AP4E1: variants seen among roughly 807,000 people sequenced by gnomAD.
The protein encoded by AP4E1 is AP-4 complex subunit epsilon-1.
A neutral mutation model predicts 128.2 loss-of-function variants in AP4E1; 56 were observed. The ratio of observed to expected loss-of-function variants is 0.44; its 90% CI spans 0.35 to 0.55. The LOEUF (loss-of-function observed/expected upper bound fraction) is 0.55. AP4E1 is among the 20% of genes least tolerant of loss of function. The pLI is 0.00. For synonymous variants in AP4E1, 484 were observed against 473.1 expected, an observed-to-expected ratio of 1.02 and a Z score of -0.30; for missense variants, 1,324 against 1,307.7, an observed-to-expected ratio of 1.01 and a Z score of -0.19.
At chr15:50,910,817 G>A (rs2063558212) in intron 1 of AP4E1, among the ~76,000 whole-genome samples, 1 of 152,150 alleles carries the variant, frequency 6.6e-6, no homozygotes, top group Non-Finnish European at 1.5e-5. Flanking sequence ...CACCATACCC[G>A]GCTAATTTTT....
At chr15:50,940,409 C>T (rs963234849) in intron 8 of AP4E1, among the ~76,000 whole-genome samples, 4 of 151,530 alleles carry the variant, frequency 2.6e-5, no homozygotes, top group Admixed American at 2.0e-4. Context: ...AAGTTTTTTC[C>T]ACAAAATTTA....
chr15:50,960,970 A>G (rs574257558), intron 14 of AP4E1, among the ~76,000 whole-genome samples: 1 of 152,212 alleles, frequency 6.6e-6, no homozygotes, highest in South Asian at 2.1e-4. Flanking sequence ...AGAAATATAA[A>G]TGATTATTAG....
At chr15:50,918,410 T>A (rs1275786219) in intron 3 of AP4E1, among the ~76,000 whole-genome samples, 1 of 152,240 alleles carries the variant, frequency 6.6e-6, no homozygotes, top group Non-Finnish European at 1.5e-5. Flanking sequence ...TTGGCTGGCT[T>A]CCATGTTAGC....
At position 50,925,197 on chromosome 15, in the gene AP4E1, GA is replaced by G; in HGVS notation, c.522del (p.Asp175IlefsTer58). 6.2e-7 allele frequency: 1 copy of G among 1,613,566 alleles called. No individual in the cohort carries two copies. The highest frequency in any genetic ancestry group is 8.5e-7 in the Non-Finnish European group (1 of 1,179,516). ...GATTCCAGCTGTTCTTCCATTAATA[GA>G]AGATAAACTTCAACATTCTAAGTAA... ...EMIPAVLPLIEDKLQHSKEIV... is the reference protein window; with the variant it reads ...EMIPAVLPLIXDKLQHSKEIV... On this transcript the variant is annotated frameshift_variant, in exon 5 of 21. Coordinates refer to ENST00000261842, the MANE Select transcript of AP4E1 (RefSeq NM_007347.5). LOFTEE classifies it high-confidence loss of function.
intron 4 of AP4E1, 57 bp from the exon 5 acceptor site, chr15:50,925,041 G>A: frequency 6.2e-7 from 1 of 1,605,464 alleles, no homozygotes; most frequent in South Asian, 1.1e-5. Context: ...TGTTGAATTT[G>A]CCATTCCTAG....
At chr15:51,001,229 CT>C in intron 20 of AP4E1, 46 bp downstream of exon 20, 1 of 1,553,204 alleles carries the variant, frequency 6.4e-7, no homozygotes, top group Non-Finnish European at 8.8e-7. Context: ...TAGGAGCTTT[CT>C]TATAATTGGA....
intron 18 of AP4E1, 152 bp downstream of exon 18, chr15:50,998,035 A>C: frequency 1.6e-6 from 1 of 633,516 alleles, no homozygotes. Context: ...GAGTAAGGAT[A>C]TTGAAGAATA....
At chr15:50,959,144 G>A (rs2064275226) in intron 14 of AP4E1, among the ~76,000 whole-genome samples, 1 of 151,726 alleles carries the variant, frequency 6.6e-6, no homozygotes, top group Admixed American at 6.6e-5. Context: ...CTGGGAGGCA[G>A]AGGTTGCAGT....
At chr15:50,964,167 G>A (rs1372734270) in intron 14 of AP4E1, among the ~76,000 whole-genome samples, 2 of 152,156 alleles carry the variant, frequency 1.3e-5, no homozygotes, top group African/African-American at 4.8e-5. Context: ...TGTCTCATAT[G>A]TCATGTATGC....
chr15:50,924,447 TA>T (rs1024802140), intron 4 of AP4E1, among the ~76,000 whole-genome samples: 6 of 152,076 alleles, frequency 3.9e-5, no homozygotes, highest in South Asian at 4.1e-4. Flanking sequence ...GTAGAGATAA[TA>T]AAAACAATCC....
chr15:50,941,844 G>A (rs1209791701), intron 10 of AP4E1, 69 bp downstream of exon 10: 1 of 1,198,528 alleles, frequency 8.3e-7, no homozygotes, highest in Non-Finnish European at 1.2e-6. Flanking sequence ...GCATTGTGTA[G>A]AGAGATTAAA....
intron 14 of AP4E1, among the ~76,000 whole-genome samples, chr15:50,963,343 C>G (rs2064341704): frequency 6.6e-6 from 1 of 152,164 alleles, no homozygotes; most frequent in Middle Eastern, 3.2e-3. Context: ...TGGAATCAAC[C>G]TAAGTGTCCA....
intron 14 of AP4E1, among the ~76,000 whole-genome samples, 170 bp downstream of exon 14, chr15:50,958,964 C>T (rs867408758): frequency 6.6e-6 from 1 of 152,156 alleles, no homozygotes; most frequent in South Asian, 2.1e-4. Context: ...AAGCTCCCAG[C>T]ACTTTGGGAG....
intron 20 of AP4E1, 117 bp from the exon 21 acceptor site, chr15:51,002,385 G>C: frequency 9.4e-7 from 1 of 1,059,388 alleles, no homozygotes; most frequent in Non-Finnish European, 1.4e-6. Context: ...TCTCCTTAGT[G>C]GTTAGTGATA....
intron 14 of AP4E1, among the ~76,000 whole-genome samples, chr15:50,966,117 C>T (rs1389100063): frequency 1.3e-5 from 2 of 152,024 alleles, no homozygotes; most frequent in Admixed American, 6.6e-5. Context: ...GACAGGGTGT[C>T]ACCATATTGG....
At chr15:50,924,932 G>A (rs2063751303) in intron 4 of AP4E1, among the ~76,000 whole-genome samples, 166 bp from the exon 5 acceptor site, 1 of 152,186 alleles carries the variant, frequency 6.6e-6, no homozygotes, top group South Asian at 2.1e-4. Context: ...TAAGGCAAAT[G>A]AAACAAATAG....
intron 15 of AP4E1, among the ~76,000 whole-genome samples, chr15:50,978,586 A>G (rs1164836789): frequency 6.6e-6 from 1 of 152,192 alleles, no homozygotes; most frequent in Admixed American, 6.5e-5. Context: ...TATGCCCAGG[A>G]TAGTTTATAC....
At chr15:50,993,691 A>G in intron 17 of AP4E1, 66 bp downstream of exon 17, 3 of 1,598,012 alleles carry the variant, frequency 1.9e-6, no homozygotes, top group South Asian at 2.2e-5. Flanking sequence ...AACTGGCTCT[A>G]TAAAAGCTCC....
At chr15:50,955,324 C>T (rs2064204561) in intron 13 of AP4E1, among the ~76,000 whole-genome samples, 1 of 152,118 alleles carries the variant, frequency 6.6e-6, no homozygotes, top group African/African-American at 2.4e-5. Context: ...CCTGTTTCTC[C>T]ACATTCTTTC....
Sources: gnomAD v4.1 joint callset for allele counts (sites outside exome capture counted in the v4.1 genomes callset) on GRCh38, gnomAD v4.1.1 for gene constraint, MANE v1.5 for transcripts, NCBI Gene and HGNC (gene_info 2026-07-23, HGNC 2026-07-21) for gene names.